PCDHA6: variants seen among roughly 807,000 people sequenced by gnomAD.
PCDHA6 encodes the protein protocadherin alpha 6, also known as protocadherin alpha-6.
Under a neutral mutation model 60.3 loss-of-function variants are expected in PCDHA6, and 55 were observed. That is an observed-to-expected ratio of 0.91 (90% CI 0.73 to 1.14). The LOEUF is 1.14. Ranked by LOEUF, PCDHA6 falls within the 50% of genes most tolerant of loss-of-function variation. The pLI is 0.00. For missense variants in PCDHA6, 1,327 were observed against 1,256.5 expected, an observed-to-expected ratio of 1.06 and a Z score of -0.85; for synonymous variants, 652 against 557.9, an observed-to-expected ratio of 1.17 and a Z score of -2.38.
Position 140,830,167 on chromosome 5 carries a change from G to A in PCDHA6, c.2076G>A (p.Ala692=). 2 of 1,613,548 alleles carry A rather than the reference G, an allele frequency of 1.2e-6. No homozygotes were observed. Among genetic ancestry groups the A allele is most frequent in the South Asian group, 1.1e-5 (1 of 91,072 alleles). ...ASVGAAGPEA[A]LVDVNVYLII... is the part of the protein sequence containing the mutation. The stretch of plus-strand genomic sequence containing the variant: ...TGGGCGCCGCGGGCCCAGAGGCGGC[G>A]CTGGTGGATGTCAACGTGTACCTGA... Residue 692 remains alanine (A), a synonymous_variant, in exon 1 of 4, where the codon GCG becomes GCA. Transcript: ENST00000529310.
chr5:140,959,622 A>T (rs1489618654), intron 1 of PCDHA6, among the ~76,000 whole-genome samples: 1 of 152,194 alleles, frequency 6.6e-6, no homozygotes, highest in Admixed American at 6.5e-5. Flanking sequence ...TTGTGATAGA[A>T]AAAAAGAGAG....
intron 1 of PCDHA6, chr5:140,866,148 ATAAG>A (rs1375745548): frequency 1.4e-4 from 21 of 152,178 alleles, no homozygotes; most frequent in Admixed American, 1.3e-4. Context: ...TGGAAGTGAT[ATAAG>A]TAAGAATCGT....
intron 1 of PCDHA6, among the ~76,000 whole-genome samples, chr5:140,948,360 C>T (rs1258504765): frequency 6.6e-6 from 1 of 151,494 alleles, no homozygotes; most frequent in Non-Finnish European, 1.5e-5. Context: ...AATAAAATGA[C>T]TTAGGAGGTG....
intron 1 of PCDHA6, among the ~76,000 whole-genome samples, chr5:140,881,102 T>C (rs1470850677): frequency 1.3e-5 from 2 of 152,230 alleles, no homozygotes; most frequent in African/African-American, 4.8e-5. Flanking sequence ...ATTACACCAT[T>C]TGGCCTGGGA....
intron 1 of PCDHA6, chr5:140,835,267 T>A (rs2150232922): frequency 8.1e-5 from 130 of 1,609,952 alleles, no homozygotes; most frequent in Non-Finnish European, 1.1e-4. Flanking sequence ...AAGTTCCACA[T>A]GGACCCCTTA....
chr5:140,850,692 G>A lies in PCDHA6; in HGVS notation c.2394+20207G>A, dbSNP rs2150494456. The A allele has an allele frequency of 1.9e-6, 3 of 1,598,344 alleles. 1 individual carries two copies. The Admixed American group carries it at 5.1e-5, about 27-fold the overall frequency. On this transcript the variant is annotated intron_variant, in intron 1 of 3. Transcript: ENST00000529310. ...GGCGATGCCCACCGAGGGCGAGTGC[G>A]CGCCTGGCAAGCCGACGCTGGTGTG...
intron 1 of PCDHA6, among the ~76,000 whole-genome samples, chr5:140,975,004 T>C (rs1464460351): frequency 2.6e-5 from 4 of 152,170 alleles, no homozygotes; most frequent in African/African-American, 9.7e-5. Flanking sequence ...AAGGCTGAAA[T>C]GAACACAGCT....
At chr5:140,899,545 G>A (rs2067400002) in intron 1 of PCDHA6, among the ~76,000 whole-genome samples, 1 of 152,158 alleles carries the variant, frequency 6.6e-6, no homozygotes, top group African/African-American at 2.4e-5. Context: ...TGATCATGGT[G>A]GATAAGCTTT....
intron 1 of PCDHA6, among the ~76,000 whole-genome samples, chr5:140,922,582 G>A (rs548638056): frequency 2.6e-5 from 4 of 152,276 alleles, no homozygotes; most frequent in Non-Finnish European, 4.4e-5. Context: ...CCCTGTAGCC[G>A]CCAGTTCTCA....
At chr5:140,972,415 A>G (rs1048437043) in intron 1 of PCDHA6, among the ~76,000 whole-genome samples, 2 of 152,138 alleles carry the variant, frequency 1.3e-5, no homozygotes, top group East Asian at 3.9e-4. Flanking sequence ...AACCCTGTTA[A>G]GATCTTTTAT....
chr5:140,995,286 C>T (rs571122259), intron 3 of PCDHA6, among the ~76,000 whole-genome samples: 18 of 152,182 alleles, frequency 1.2e-4, no homozygotes, highest in African/African-American at 3.4e-4. Context: ...CCAAAACAGC[C>T]AGTCGGATAC....
At chr5:140,906,257 C>A (rs1394766953) in intron 1 of PCDHA6, among the ~76,000 whole-genome samples, 2 of 152,168 alleles carry the variant, frequency 1.3e-5, no homozygotes, top group Non-Finnish European at 2.9e-5. Flanking sequence ...ATACACACCT[C>A]CTGAAATTAT....
chr5:140,944,664 T>A (rs2093679523), intron 1 of PCDHA6, among the ~76,000 whole-genome samples: 1 of 152,202 alleles, frequency 6.6e-6, no homozygotes, highest in South Asian at 2.1e-4. Context: ...ACCCCTTATT[T>A]ATCTATTCTG....
intron 2 of PCDHA6, 96 bp from the exon 3 acceptor site, chr5:140,982,379 C>T (rs959359344): frequency 1.4e-5 from 22 of 1,575,004 alleles, no homozygotes; most frequent in South Asian, 3.5e-5. Context: ...TAGCTGCAGC[C>T]CTGGCTTCAT....
rs1290458104 is a variant in PCDHA6 at position 140,849,842 on chromosome 5, C to T, written c.2394+19357C>T. 18 of 1,598,416 alleles carry T rather than the reference C, an allele frequency of 1.1e-5. 3 individuals carry two copies. Among genetic ancestry groups the T allele is most frequent in the Admixed American group, 1.7e-5 (1 of 59,304 alleles). On this transcript the variant is annotated intron_variant, in intron 1 of 3. Coordinates refer to ENST00000529310, the MANE Select transcript of PCDHA6 (RefSeq NM_018909.4). The stretch of plus-strand genomic sequence containing the variant: ...TGTCTGTGGAGGTGGCCGACGTGAA[C>T]GACAACGCACCAGCGTTCGCGCAGT...
intron 1 of PCDHA6, among the ~76,000 whole-genome samples, chr5:140,957,549 C>T (rs563057107): frequency 6.6e-6 from 1 of 152,038 alleles, no homozygotes; most frequent in South Asian, 2.1e-4. Flanking sequence ...AAAGTATTCT[C>T]TGTGGAAAAG....
chr5:140,877,089 C>T (rs782771217), intron 1 of PCDHA6: 4 of 1,613,082 alleles, frequency 2.5e-6, no homozygotes, highest in African/African-American at 1.3e-5. Flanking sequence ...GCGCGCGCGA[C>T]GCCGGCGTGC....
At chr5:140,981,049 T>C (rs2096916420) in intron 2 of PCDHA6, among the ~76,000 whole-genome samples, 1 of 152,158 alleles carries the variant, frequency 6.6e-6, no homozygotes. Context: ...AAACAGATAA[T>C]TCTAGAGTGT....
chr5:140,849,924 G>A, intron 1 of PCDHA6: 1 of 1,598,310 alleles, frequency 6.3e-7, no homozygotes, highest in East Asian at 2.2e-5. Context: ...CATCTTCACG[G>A]TGTCTGCGCG....
Sources: allele counts gnomAD v4.1 joint callset (sites outside exome capture counted in the v4.1 genomes callset), GRCh38; gene constraint gnomAD v4.1.1; transcripts MANE v1.5; gene names NCBI Gene and HGNC (gene_info 2026-07-23, HGNC 2026-07-21).